KIF11: variants seen among roughly 807,000 people sequenced by gnomAD.
The protein encoded by KIF11 is kinesin family member 11, also known as kinesin-like protein KIF11.
Under a neutral mutation model 121.0 loss-of-function variants are expected in KIF11, and 9 were observed. The observed-to-expected ratio is 0.07, with a 90% CI of 0.04 to 0.13. The LOEUF (loss-of-function observed/expected upper bound fraction) is 0.13. Among genes scored for constraint, KIF11 ranks in the 10% least tolerant of loss-of-function variants. The probability of loss-of-function intolerance (pLI) is 1.00; values close to 1 mark genes in which losing one functional copy is unlikely to be tolerated. For missense variants in KIF11, 846 were observed against 1,217.5 expected (o/e 0.69, Z 4.54); for synonymous variants, 408 against 421.0 (o/e 0.97, Z 0.38).
chr10:92,647,558 T>C (rs539416523), intron 18 of KIF11, among the ~76,000 whole-genome samples: 2 of 152,320 alleles, frequency 1.3e-5, no homozygotes, highest in African/African-American at 2.4e-5. Flanking sequence ...GACTAGACAT[T>C]TGATAGGAAG....
intron 10 of KIF11, among the ~76,000 whole-genome samples, chr10:92,627,252 T>C (rs1844689867): frequency 6.6e-6 from 1 of 152,216 alleles, no homozygotes; most frequent in Non-Finnish European, 1.5e-5. Flanking sequence ...AATTGTTGGT[T>C]GTTATCAAAG....
intron 8 of KIF11, among the ~76,000 whole-genome samples, chr10:92,614,755 C>T (rs1421560183): frequency 1.3e-5 from 2 of 152,136 alleles, no homozygotes; most frequent in Non-Finnish European, 2.9e-5. Context: ...TTGCTATCAT[C>T]TGCCTTAAGT....
intron 1 of KIF11, among the ~76,000 whole-genome samples, chr10:92,603,269 T>C (rs1171921861): frequency 4.2e-5 from 6 of 144,142 alleles, no homozygotes; most frequent in African/African-American, 1.0e-4. Context: ...TTTTCTTTTT[T>C]TTTTTTTTTT....
Position 92,609,520 on chromosome 10 carries a change from CAT to C in KIF11, c.698+13_698+14del, listed in dbSNP as rs1310675725. The C allele has an allele frequency of 1.9e-6, 3 of 1,597,564 alleles. No homozygotes were observed. In the African/African-American group the frequency reaches 4.1e-5, roughly 22 times the overall value. Reference sequence around the variant, plus strand: ...GAATGCATACTCTAGGTAAGAAAGCCATAGTCTCTTCCCTAGCCCCATTTTCT... The same window carrying C: ...GAATGCATACTCTAGGTAAGAAAGCCAGTCTCTTCCCTAGCCCCATTTTCT... On this transcript the variant is annotated intron_variant, in intron 6 of 21. Transcript: ENST00000260731.
intron 6 of KIF11, among the ~76,000 whole-genome samples, chr10:92,609,881 T>A (rs1844476297): frequency 6.6e-6 from 1 of 152,032 alleles, no homozygotes; most frequent in Admixed American, 6.6e-5. Context: ...GGATTACAGG[T>A]GTCTGCCACT....
At position 92,613,941 on chromosome 10, in the gene KIF11, A is replaced by G. The variant is rs933206494; in HGVS notation, c.1032+322A>G. On this transcript the variant is annotated intron_variant, in intron 8 of 21. Transcript: ENST00000260731. This position sits in a 1 kb window ranked among gnomAD's most constrained non-coding sequence, Gnocchi z 4.2. ...CATTAAGCTGAGATCATGCAACTAC[A>G]CTCCAGCCTGGGTGGCAGAGGGAGA... is the stretch of plus-strand genomic sequence containing the variant. 2.0e-5 allele frequency among the ~76,000 whole-genome samples: 3 copies of G among 150,990 alleles called. No individual in the cohort carries two copies. Among genetic ancestry groups the G allele is most frequent in the African/African-American group, 4.9e-5 (2 of 41,006 alleles).
At chr10:92,619,842 T>G (rs1844598767) in intron 9 of KIF11, among the ~76,000 whole-genome samples, 1 of 143,168 alleles carries the variant, frequency 7.0e-6, no homozygotes, top group African/African-American at 2.9e-5. Flanking sequence ...CATGTATATA[T>G]ATATTTATTT....
intron 16 of KIF11, among the ~76,000 whole-genome samples, chr10:92,638,039 C>T (rs1184985336): frequency 6.6e-6 from 1 of 152,008 alleles, no homozygotes; most frequent in Non-Finnish European, 1.5e-5. Context: ...ATTTATCTTC[C>T]CTGTAAACTG....
At position 92,650,446 on chromosome 10, in the gene KIF11, C is replaced by A; in HGVS notation, c.2968C>A (p.Pro990Thr). ...EAVLGQYTEE[P>T]LSQEPSVDAG... ...AGTTCTGGGGCAGTATACTGAAGAA[C>A]CTCTAAGTCAAGAGCCATCTGTAGA... The change falls in exon 21 of 22, where the codon CCT becomes ACT. Residue 990 changes from proline to threonine, a missense_variant. Transcript: ENST00000260731. 2 of 1,613,652 alleles carry A rather than the reference C, an allele frequency of 1.2e-6. No homozygotes were observed. Among genetic ancestry groups the A allele is most frequent in the Non-Finnish European group, 1.7e-6 (2 of 1,179,612 alleles).
At chr10:92,627,167 A>G (rs527670447) in intron 10 of KIF11, among the ~76,000 whole-genome samples, 5 of 152,344 alleles carry the variant, frequency 3.3e-5, no homozygotes, top group African/African-American at 1.2e-4. Context: ...AGTCAACAAT[A>G]TCTCTAGCTA....
chr10:92,644,538 C>CT (rs1160564181), intron 17 of KIF11, among the ~76,000 whole-genome samples: 1 of 152,210 alleles, frequency 6.6e-6, no homozygotes. Flanking sequence ...GGACTGGTCT[C>CT]TAACTCCTGA....
intron 4 of KIF11, among the ~76,000 whole-genome samples, chr10:92,607,970 C>T (rs1249425628): frequency 6.6e-6 from 1 of 151,704 alleles, no homozygotes; most frequent in Non-Finnish European, 1.5e-5. Flanking sequence ...GCCTGGCCAA[C>T]ATGGTGAAAC....
At position 92,626,447 on chromosome 10, in the gene KIF11, AC is replaced by A. The variant is rs201209215; in HGVS notation, c.1218-2360del. Among the ~76,000 whole-genome samples, 53 of 152,298 alleles carry A rather than the reference AC, an allele frequency of 3.5e-4. 2 individuals carry two copies. In the East Asian group the frequency reaches 0.01, roughly 29 times the overall value. On this transcript the variant is annotated intron_variant, in intron 10 of 21. Coordinates refer to ENST00000260731, the MANE Select transcript of KIF11 (RefSeq NM_004523.4). Reference sequence around the variant, plus strand: ...TAAAAACTTAAATGTAAAACCTAAAACTAAAAACCCTTGTAAAAAACCTAGG... The same window carrying A: ...TAAAAACTTAAATGTAAAACCTAAAATAAAAACCCTTGTAAAAAACCTAGG...
intron 9 of KIF11, among the ~76,000 whole-genome samples, chr10:92,618,005 T>A (rs1350116210): frequency 6.6e-6 from 1 of 152,202 alleles, no homozygotes; most frequent in Non-Finnish European, 1.5e-5. Flanking sequence ...CCCAAAATGC[T>A]GGGATCACAG....
intron 4 of KIF11, among the ~76,000 whole-genome samples, chr10:92,607,877 G>A (rs938767430): frequency 1.3e-5 from 2 of 151,538 alleles, no homozygotes; most frequent in Non-Finnish European, 2.9e-5. Flanking sequence ...TTAATTGGTC[G>A]GGCACGGTGG....
chr10:92,601,016 C>T (rs914372065), intron 1 of KIF11, among the ~76,000 whole-genome samples: 2 of 151,530 alleles, frequency 1.3e-5, no homozygotes, highest in Non-Finnish European at 1.5e-5. Flanking sequence ...CATGCCACCA[C>T]GCCCAGCTAA....
At chr10:92,641,216 C>T (rs1255641815) in intron 17 of KIF11, among the ~76,000 whole-genome samples, 2 of 152,130 alleles carry the variant, frequency 1.3e-5, no homozygotes, top group African/African-American at 4.8e-5. Flanking sequence ...GGAGATTTGT[C>T]AAGTTTCAGT....
chr10:92,593,629 A>G (rs1844258004), intron 1 of KIF11, among the ~76,000 whole-genome samples, 177 bp downstream of exon 1: 2 of 152,170 alleles, frequency 1.3e-5, no homozygotes, highest in African/African-American at 4.8e-5. Flanking sequence ...TTTTTAGGAG[A>G]AAATAACATG....
Position 92,632,476 on chromosome 10 carries a change from A to G in KIF11, c.1495-10A>G, listed in dbSNP as rs894285556. On this transcript the variant is annotated splice_polypyrimidine_tract_variant and intron_variant, in intron 12 of 21. Coordinates refer to ENST00000260731, the MANE Select transcript of KIF11 (RefSeq NM_004523.4). The stretch of plus-strand genomic sequence containing the variant: ...TCCATTTTGTCTAACACTTATTTTT[A>G]AAAATATAGCTGCTTAACACAGTTG... 1.3e-6 allele frequency: 2 copies of G among 1,560,716 alleles called. No homozygotes were observed. Among genetic ancestry groups the G allele is most frequent in the South Asian group, 2.3e-5 (2 of 88,666 alleles).
Sources: gnomAD v4.1 joint callset for allele counts (sites outside exome capture counted in the v4.1 genomes callset) on GRCh38, gnomAD v4.1.1 for gene constraint, Gnocchi (gnomAD v3.1) non-coding constraint, MANE v1.5 for transcripts, NCBI Gene and HGNC (gene_info 2026-07-23, HGNC 2026-07-21) for gene names.